The following RPE variants were observed in gnomAD, a reference collection of about 807,000 sequenced individuals.
RPE encodes the protein ribulose-phosphate 3-epimerase.
Under a neutral mutation model 24.6 loss-of-function variants are expected in RPE, and 16 were observed. That is an observed-to-expected ratio of 0.65 (90% CI 0.44 to 0.99). RPE has a LOEUF of 0.99. RPE is among the 50% of genes least tolerant of loss of function. RPE has a pLI of 0.00. For missense variants in RPE, 240 were observed against 294.5 expected (o/e 0.81, Z 1.35); for synonymous variants, 93 against 98.4 (o/e 0.94, Z 0.33).
At position 210,008,259 on chromosome 2, in the gene RPE, C is replaced by T. The variant is rs139746185; in HGVS notation, c.123-1398C>T. Among the ~76,000 whole-genome samples the T allele has an allele frequency of 3.4e-3, 506 of 149,980 alleles. 3 individuals carry two copies. The highest frequency in any genetic ancestry group is 0.012 in the African/African-American group (490 of 40,770). On this transcript the variant is annotated intron_variant, in intron 1 of 5. Transcript: ENST00000359429. ...GTATTCTGAAGCACCTAGTATGGTA[C>T]TTGCATATAGGGGATTTTTTTTGTT...
chr2:210,019,819 C>G lies in RPE; in HGVS notation c.*28C>G. 1.2e-6 allele frequency: 2 copies of G among 1,600,560 alleles called. No homozygotes were observed. The highest frequency in any genetic ancestry group is 8.5e-7 in the Non-Finnish European group (1 of 1,173,144). The stretch of plus-strand genomic sequence containing the variant: ...CCATAAGGAGCCCAGTGTTCCTGTT[C>G]ATGAAATCTCCCTTTTACTGGAAAA... On this transcript the variant is annotated 3_prime_UTR_variant, in exon 6 of 6. Coordinates refer to ENST00000359429, the MANE Select transcript of RPE (RefSeq NM_199229.3).
Position 210,016,126 on chromosome 2 carries a change from A to C in RPE, c.342+14A>C. 1 of 1,614,166 alleles carries C rather than the reference A, an allele frequency of 6.2e-7. No individual in the cohort carries two copies. Among genetic ancestry groups the C allele is most frequent in the Admixed American group, 1.7e-5 (1 of 60,022 alleles). ...AATGGGATGAAGGTAAGAAATCGTG[A>C]TGAGAGTGTTTTGTAACATTCACTC... On this transcript the variant is annotated intron_variant, in intron 3 of 5. Coordinates refer to ENST00000359429, the MANE Select transcript of RPE (RefSeq NM_199229.3).
chr2:210,016,138 T>G, intron 3 of RPE, 26 bp downstream of exon 3: 1 of 1,614,218 alleles, frequency 6.2e-7, no homozygotes, highest in Non-Finnish European at 8.5e-7. Flanking sequence ...GAGAGTGTTT[T>G]GTAACATTCA....
Position 210,019,755 on chromosome 2 carries a change from C to A in RPE, c.651C>A (p.Cys217Ter). The change falls in exon 6 of 6, where the codon TGC becomes TGA. Residue 217 changes from cysteine to a stop codon, truncating the protein, a stop_gained. Coordinates refer to ENST00000359429, the MANE Select transcript of RPE (RefSeq NM_199229.3). LOFTEE classifies it high-confidence loss of function. ...RSVINLLRNVCSEAAQKRSLD... is the reference protein window; with the variant it reads ...RSVINLLRNV ...TGATCAATCTATTAAGAAATGTTTGCTCAGAAGCTGCTCAGAAACGTTCTC... is the reference window on the plus strand; with the variant it reads ...TGATCAATCTATTAAGAAATGTTTGATCAGAAGCTGCTCAGAAACGTTCTC... 6.2e-7 allele frequency: 1 copy of A among 1,613,150 alleles called. No individual in the cohort carries two copies. The highest frequency in any genetic ancestry group is 8.5e-7 in the Non-Finnish European group (1 of 1,179,392).
At chr2:210,004,941 C>T (rs2093610154) in intron 1 of RPE, among the ~76,000 whole-genome samples, 1 of 152,150 alleles carries the variant, frequency 6.6e-6, no homozygotes, top group Admixed American at 6.5e-5. Flanking sequence ...CCAGGAGATA[C>T]TTTGGTTTGG....
chr2:210,004,130 C>T (rs1285825267), intron 1 of RPE, among the ~76,000 whole-genome samples: 1 of 152,168 alleles, frequency 6.6e-6, no homozygotes, highest in Non-Finnish European at 1.5e-5. Flanking sequence ...TAAGTAGCTA[C>T]ATTTTTGTGC....
rs1428490836 is a variant in RPE at position 210,016,036 on chromosome 2, A to G, written c.266A>G (p.Asn89Ser). 6.8e-6 allele frequency: 11 copies of G among 1,614,238 alleles called. No homozygotes were observed. The highest frequency in any genetic ancestry group is 2.7e-5 in the African/African-American group (2 of 75,066). The part of the protein sequence containing the change: ...WVKPMAVAGA[N>S]QYTFHLEATE... ...AAGCCAATGGCTGTAGCAGGAGCCA[A>G]TCAGTACACCTTTCATCTCGAGGCT... The change falls in exon 3 of 6, where the codon AAT becomes AGT. Residue 89 changes from asparagine to serine, a missense_variant. Asn to Ser is a conservative substitution (Grantham distance 46). Transcript: ENST00000359429.
chr2:210,005,021 G>T (rs1352492664), intron 1 of RPE, among the ~76,000 whole-genome samples: 1 of 152,160 alleles, frequency 6.6e-6, no homozygotes, highest in African/African-American at 2.4e-5. Context: ...TCTGAGTTAA[G>T]AGCTGTTTCT....
chr2:210,018,550 G>A (rs1041774130), intron 5 of RPE: 4 of 984,836 alleles, frequency 4.1e-6, no homozygotes, highest in African/African-American at 3.5e-5. Context: ...ACTGCCACAC[G>A]TTTCTGCTTG....
intron 2 of RPE, among the ~76,000 whole-genome samples, chr2:210,010,560 G>A (rs546518928): frequency 4.7e-4 from 71 of 152,184 alleles, no homozygotes; most frequent in African/African-American, 1.6e-3. Flanking sequence ...CACCAGCCTA[G>A]CCATAAATAG....
chr2:210,019,572 T>G, intron 5 of RPE, 97 bp from the exon 6 acceptor site: 1 of 1,406,584 alleles, frequency 7.1e-7, no homozygotes, highest in East Asian at 2.4e-5. Context: ...ATTGAAATGT[T>G]GACAGATGCA....
At chr2:210,015,638 G>C (rs1179577740) in intron 2 of RPE, among the ~76,000 whole-genome samples, 1 of 152,182 alleles carries the variant, frequency 6.6e-6, no homozygotes, top group Non-Finnish European at 1.5e-5. Context: ...GAGGAAACTA[G>C]TTTGCATGGA....
rs2093859474 is a variant in RPE, at chr2:210,021,758, C to A, written c.*1967C>A. 8 of 151,882 alleles carry A rather than the reference C, an allele frequency of 5.3e-5. No homozygotes were observed. 9.4% of individuals were successfully genotyped at this position (151,882 alleles called of 1,614,324 possible). Reference sequence around the variant, plus strand: ...ACAAAAAGTGAGTTATATAAATTGTCCTCAACTTTCACATAGGAAAAAAAT... The same window carrying A: ...ACAAAAAGTGAGTTATATAAATTGTACTCAACTTTCACATAGGAAAAAAAT... On this transcript the variant is annotated 3_prime_UTR_variant, in exon 6 of 6. Coordinates refer to ENST00000359429, the MANE Select transcript of RPE (RefSeq NM_199229.3).
chr2:210,008,170 G>T (rs1486144558), intron 1 of RPE, among the ~76,000 whole-genome samples: 1 of 152,122 alleles, frequency 6.6e-6, no homozygotes, highest in African/African-American at 2.4e-5. Flanking sequence ...GTGAATTCTG[G>T]TGAGTCATTC....
At chr2:210,011,723 G>C (rs968273071) in intron 2 of RPE, among the ~76,000 whole-genome samples, 19 of 151,924 alleles carry the variant, frequency 1.3e-4, no homozygotes, top group Admixed American at 1.0e-3. Flanking sequence ...CCAGGCAAGA[G>C]TACAGTGGTA....
chr2:210,014,450 A>G (rs1408953061), intron 2 of RPE, among the ~76,000 whole-genome samples: 1 of 152,284 alleles, frequency 6.6e-6, no homozygotes, highest in East Asian at 1.9e-4. Context: ...AATAAGAAAC[A>G]CCAGATTTAA....
chr2:210,012,436 G>A (rs2093713211), intron 2 of RPE, among the ~76,000 whole-genome samples: 1 of 152,188 alleles, frequency 6.6e-6, no homozygotes, highest in South Asian at 2.1e-4. Context: ...TGATGAAGCA[G>A]TAGAAATTAA....
rs769426253 is a variant in RPE at position 210,002,777 on chromosome 2, T to C, written c.116T>C (p.Met39Thr). 6 of 1,614,074 alleles carry C rather than the reference T, an allele frequency of 3.7e-6. No homozygotes were observed. Among genetic ancestry groups the C allele is most frequent in the East Asian group, 2.2e-5 (1 of 44,848 alleles). ...GCCGATTATCTGCACCTGGACGTAA[T>C]GGACGGGTAACTCCTCCGGGCTCCG... ...SGADYLHLDV[M>T]DGHFVPNITF... Residue 39 changes from methionine to threonine, a missense_variant, in exon 1 of 6, where the codon ATG (methionine) becomes ACG (threonine). Met to Thr is a moderately conservative substitution (Grantham distance 81). Coordinates refer to ENST00000359429, the MANE Select transcript of RPE (RefSeq NM_199229.3).
In RPE at chr2:210,019,729, G is replaced by A. The variant is rs1436000338; in HGVS notation, c.625G>A (p.Val209Met). ...AIMRSEDPRS[V>M]INLLRNVCSE... The stretch of plus-strand genomic sequence containing the variant: ...TATGAGGAGTGAAGACCCCAGATCT[G>A]TGATCAATCTATTAAGAAATGTTTG... Residue 209 changes from valine to methionine, a missense_variant, in exon 6 of 6, where the codon GTG (valine) becomes ATG (methionine). Physicochemically the swap from Val to Met is conservative, Grantham distance 21 (BLOSUM62 1). Transcript: ENST00000359429. 6.2e-7 allele frequency: 1 copy of A among 1,613,464 alleles called. No homozygotes were observed. Among genetic ancestry groups the A allele is most frequent in the East Asian group, 2.2e-5 (1 of 44,866 alleles).
Sources: gnomAD v4.1 joint callset for allele counts (sites outside exome capture counted in the v4.1 genomes callset) on GRCh38, gnomAD v4.1.1 for gene constraint, MANE v1.5 for transcripts, NCBI Gene and HGNC (gene_info 2026-07-23, HGNC 2026-07-21) for gene names.